RASGRP3: variants seen among roughly 807,000 people sequenced by gnomAD.
The protein encoded by RASGRP3 is ras guanyl-releasing protein 3.
A neutral mutation model predicts 82.7 loss-of-function variants in RASGRP3; 54 were observed. The observed-to-expected ratio is 0.65, with a 90% CI of 0.52 to 0.82. The LOEUF (loss-of-function observed/expected upper bound fraction) is 0.82. Among genes scored for constraint, RASGRP3 ranks in the 40% least tolerant of loss-of-function variants. The pLI, the probability that RASGRP3 is intolerant of heterozygous loss-of-function variation, is 0.00. For synonymous variants in RASGRP3, 309 were observed against 300.5 expected (o/e 1.03, Z -0.29); for missense variants, 861 against 828.9 (o/e 1.04, Z -0.48).
chr2:33,494,377 A>G (rs754513345), intron 1 of RASGRP3, among the ~76,000 whole-genome samples: 4 of 152,192 alleles, frequency 2.6e-5, no homozygotes, highest in African/African-American at 7.2e-5. Context: ...TCCTTTTTAG[A>G]GTAATAAACA....
chr2:33,556,231 C>CTTTTTTTTTTTTTTT lies in RASGRP3; in HGVS notation c.1579+677_1579+691dup, dbSNP rs573022728. 1.9e-4 allele frequency among the ~76,000 whole-genome samples: 11 copies of CTTTTTTTTTTTTTTT among 57,496 alleles called. 1 individual carries two copies. Among genetic ancestry groups the CTTTTTTTTTTTTTTT allele is most frequent in the East Asian group, 5.1e-4 (1 of 1,954 alleles). 37.7% of individuals were successfully genotyped at this position (57,496 alleles called of 152,430 possible). ...CAGTTTATATGGTTCTTCTAATAAT[C>CTTTTTTTTTTTTTTT]TTTTTTTTTTTTTTTTTTTTTTTTT... On this transcript the variant is annotated intron_variant, in intron 15 of 17. Coordinates refer to ENST00000403687, the MANE Select transcript of RASGRP3 (RefSeq NM_001139488.2).
chr2:33,538,153 A>G (rs1673836329), intron 11 of RASGRP3, among the ~76,000 whole-genome samples: 1 of 152,164 alleles, frequency 6.6e-6, no homozygotes, highest in African/African-American at 2.4e-5. Context: ...TATTTGGAGA[A>G]CTCGGATAGG....
chr2:33,446,268 T>C (rs1186224036), intron 1 of RASGRP3, among the ~76,000 whole-genome samples: 1 of 152,200 alleles, frequency 6.6e-6, no homozygotes, highest in Admixed American at 6.5e-5. Flanking sequence ...ACGTTTCTCC[T>C]GCCTCAACCT....
At chr2:33,551,994 A>AAAACAAACAAAC (rs201569860) in intron 14 of RASGRP3, among the ~76,000 whole-genome samples, 14 of 134,178 alleles carry the variant, frequency 1.0e-4, no homozygotes, top group Admixed American at 7.6e-4. Flanking sequence ...CTCCATCTCA[A>AAAACAAACAAAC]AAACAAACAA....
chr2:33,453,980 G>A (rs1038126757), intron 2 of RASGRP3, among the ~76,000 whole-genome samples: 2 of 152,042 alleles, frequency 1.3e-5, no homozygotes, highest in Admixed American at 1.3e-4. Context: ...CAGCAGGTTT[G>A]GTTTCTCTTG....
intron 1 of RASGRP3, among the ~76,000 whole-genome samples, chr2:33,508,623 G>T (rs1421929377): frequency 6.6e-6 from 1 of 152,176 alleles, no homozygotes; most frequent in East Asian, 1.9e-4. Context: ...ACGGTCATCT[G>T]CCAGAAGGTA....
chr2:33,443,975 A>G (rs1294752339), intron 1 of RASGRP3, among the ~76,000 whole-genome samples: 1 of 152,212 alleles, frequency 6.6e-6, no homozygotes, highest in South Asian at 2.1e-4. Flanking sequence ...CATTTCAAAA[A>G]ATAAAAAGAA....
intron 2 of RASGRP3, among the ~76,000 whole-genome samples, chr2:33,451,557 TTTTTAATCTATTTTGAGTTTAAG>T (rs1382812437): frequency 6.6e-6 from 1 of 152,202 alleles, no homozygotes; most frequent in East Asian, 1.9e-4. Flanking sequence ...TAAGTTTAAG[TTTTTAATCTATTTTGAGTTTAAG>T]TTTTAATCTA....
At chr2:33,502,643 G>C (rs1669984298) in intron 1 of RASGRP3, among the ~76,000 whole-genome samples, 1 of 151,654 alleles carries the variant, frequency 6.6e-6, no homozygotes, top group South Asian at 2.1e-4. Context: ...CTCCCAAGTA[G>C]CTGAGACTAC....
In RASGRP3 at chr2:33,520,918, C is replaced by T. The variant is rs184035813; in HGVS notation, c.368+234C>T. 2.8e-3 allele frequency among the ~76,000 whole-genome samples: 423 copies of T among 152,242 alleles called. 2 individuals are homozygous for T. The highest frequency in any genetic ancestry group is 9.9e-3 in the African/African-American group (413 of 41,528). On this transcript the variant is annotated intron_variant, in intron 6 of 17. Coordinates refer to ENST00000403687, the MANE Select transcript of RASGRP3 (RefSeq NM_001139488.2). ...ACCTTTCTCATGAGATTATTATGAA[C>T]ATTCAATAAGGACACAAGATAGCAC...
At chr2:33,549,583 C>T (rs1257134055) in intron 13 of RASGRP3, 21 bp from the exon 14 acceptor site, 6 of 1,601,834 alleles carry the variant, frequency 3.7e-6, no homozygotes, top group Non-Finnish European at 4.3e-6. Context: ...GATTCCCTCC[C>T]TTCTTTGATT....
intron 13 of RASGRP3, among the ~76,000 whole-genome samples, chr2:33,545,745 T>A (rs1038295026): frequency 6.6e-6 from 1 of 152,084 alleles, no homozygotes; most frequent in African/African-American, 2.4e-5. Flanking sequence ...ATTAGAGAAA[T>A]GCAAATCAAA....
chr2:33,508,963 T>G (rs1447848417), intron 1 of RASGRP3, among the ~76,000 whole-genome samples: 3 of 152,226 alleles, frequency 2.0e-5, no homozygotes, highest in African/African-American at 4.8e-5. Flanking sequence ...AGTTACACTT[T>G]CCATAAGTCT....
intron 1 of RASGRP3, among the ~76,000 whole-genome samples, chr2:33,439,121 T>A (rs1665083815): frequency 6.6e-6 from 1 of 152,212 alleles, no homozygotes; most frequent in Non-Finnish European, 1.5e-5. Flanking sequence ...TACTGTCTCA[T>A]CCTGTATTAC....
intron 2 of RASGRP3, among the ~76,000 whole-genome samples, chr2:33,452,832 G>A (rs1022590973): frequency 6.6e-6 from 1 of 152,190 alleles, no homozygotes; most frequent in African/African-American, 2.4e-5. Flanking sequence ...ATGCTATAGA[G>A]GCCTGCTTGC....
At chr2:33,486,691 G>A (rs1303021384) in intron 1 of RASGRP3, among the ~76,000 whole-genome samples, 2 of 152,216 alleles carry the variant, frequency 1.3e-5, no homozygotes, top group African/African-American at 4.8e-5. Context: ...ATATCAGGAT[G>A]AACCAGGGAT....
rs1265859119 is a variant in RASGRP3 at position 33,537,318 on chromosome 2, A to ACAC, written c.1162-1774_1162-1772dup. 8.3e-3 allele frequency among the ~76,000 whole-genome samples: 338 copies of ACAC among 40,558 alleles called. 18 individuals carry two copies. Among genetic ancestry groups the ACAC allele is most frequent in the South Asian group, 0.012 (19 of 1,606 alleles). The allele number at this position is 40,558 out of a possible 152,430, so 26.6% of individuals were successfully genotyped here. On this transcript the variant is annotated intron_variant, in intron 11 of 17. Coordinates refer to ENST00000403687, the MANE Select transcript of RASGRP3 (RefSeq NM_001139488.2). ...CTGTCTCTAAAATACACACACACAC[A>ACAC]CACCGCCCCCCCCACACACACACAC...
intron 1 of RASGRP3, among the ~76,000 whole-genome samples, chr2:33,504,184 C>T (rs965477251): frequency 6.6e-6 from 1 of 152,156 alleles, no homozygotes; most frequent in Non-Finnish European, 1.5e-5. Flanking sequence ...ACCTTACTGT[C>T]TGACACTATT....
In RASGRP3 at chr2:33,532,746, T is replaced by C. The variant is rs140411004; in HGVS notation, c.1084-1577T>C. 9 of 152,334 alleles carry C rather than the reference T, an allele frequency of 5.9e-5. No homozygotes were observed. The East Asian group carries it at 1.7e-3, about 29-fold the overall frequency. The allele number at this position is 152,334 out of a possible 1,614,324, so 9.4% of individuals were successfully genotyped here. On this transcript the variant is annotated intron_variant, in intron 10 of 17. Transcript: ENST00000403687. Reference sequence around the variant, plus strand: ...TTTATTTTGTTTAGAAAAAAAACTTTGTGACAAAGTGCAGGTAAAAGAAAC... The same window carrying C: ...TTTATTTTGTTTAGAAAAAAAACTTCGTGACAAAGTGCAGGTAAAAGAAAC...
Sources: allele counts gnomAD v4.1 joint callset (sites outside exome capture counted in the v4.1 genomes callset), GRCh38; gene constraint gnomAD v4.1.1; transcripts MANE v1.5; gene names NCBI Gene and HGNC (gene_info 2026-07-23, HGNC 2026-07-21).